PITPNC1: variants seen among roughly 807,000 people sequenced by gnomAD.
The protein encoded by PITPNC1 is cytoplasmic phosphatidylinositol transfer protein 1.
A neutral mutation model predicts 44.7 loss-of-function variants in PITPNC1; 18 were observed. The observed-to-expected ratio is 0.40, with a 90% CI of 0.28 to 0.60. The LOEUF (loss-of-function observed/expected upper bound fraction) is 0.60, where lower values mean the gene tolerates loss of function less well. Among genes scored for constraint, PITPNC1 ranks in the 20% least tolerant of loss-of-function variants. The pLI, the probability that PITPNC1 is intolerant of heterozygous loss-of-function variation, is 0.39. For missense variants in PITPNC1, 290 were observed against 418.4 expected, an observed-to-expected ratio of 0.69 and a Z score of 2.68; for synonymous variants, 141 against 149.6, an observed-to-expected ratio of 0.94 and a Z score of 0.42.
chr17:67,598,263 A>G (rs2041485810), intron 5 of PITPNC1, among the ~76,000 whole-genome samples: 1 of 152,114 alleles, frequency 6.6e-6, no homozygotes, highest in Admixed American at 6.5e-5. Flanking sequence ...GAAAAGAAAT[A>G]TAGAGGAGAG....
chr17:67,471,821 G>C (rs887703173), intron 1 of PITPNC1, among the ~76,000 whole-genome samples: 17 of 151,968 alleles, frequency 1.1e-4, no homozygotes, highest in Non-Finnish European at 1.5e-4. Context: ...ACTTTCTTCA[G>C]ATTTCACCAG....
intron 1 of PITPNC1, among the ~76,000 whole-genome samples, chr17:67,503,675 T>A (rs2040064989): frequency 6.6e-6 from 1 of 152,270 alleles, no homozygotes; most frequent in African/African-American, 2.4e-5. Flanking sequence ...TCTTATTTTT[T>A]AGAGGAAAGG....
chr17:67,416,800 TTC>T (rs929803534), intron 1 of PITPNC1, among the ~76,000 whole-genome samples: 3 of 152,174 alleles, frequency 2.0e-5, no homozygotes, highest in Non-Finnish European at 4.4e-5. Flanking sequence ...ACATTCAGCA[TTC>T]TCTCTGTCTC....
chr17:67,585,446 A>G (rs2041300972), intron 5 of PITPNC1, among the ~76,000 whole-genome samples: 1 of 152,180 alleles, frequency 6.6e-6, no homozygotes, highest in Non-Finnish European at 1.5e-5. Context: ...AAATGAGGCC[A>G]TTAGAGTGGG....
chr17:67,422,629 C>A (rs955133597), intron 1 of PITPNC1, among the ~76,000 whole-genome samples: 2 of 151,472 alleles, frequency 1.3e-5, no homozygotes, highest in Admixed American at 1.3e-4. Context: ...CTCACTGCAA[C>A]CTCTACCTCC....
intron 4 of PITPNC1, among the ~76,000 whole-genome samples, chr17:67,573,990 T>G (rs1168960439): frequency 6.6e-6 from 1 of 152,198 alleles, no homozygotes; most frequent in Non-Finnish European, 1.5e-5. Flanking sequence ...TCTCTTTTCA[T>G]TATATTTTTA....
At chr17:67,505,795 C>T (rs1242703060) in intron 1 of PITPNC1, among the ~76,000 whole-genome samples, 1 of 152,146 alleles carries the variant, frequency 6.6e-6, no homozygotes, top group Non-Finnish European at 1.5e-5. Context: ...TTGAGAACAC[C>T]TGTAGGGAGT....
At chr17:67,583,818 C>A (rs1475834076) in intron 5 of PITPNC1, among the ~76,000 whole-genome samples, 3 of 150,962 alleles carry the variant, frequency 2.0e-5, no homozygotes, top group Non-Finnish European at 4.4e-5. Context: ...GCCTCAGCCT[C>A]CAGAGTAGCT....
chr17:67,383,540 C>T (rs1254044464), intron 1 of PITPNC1, among the ~76,000 whole-genome samples: 1 of 152,096 alleles, frequency 6.6e-6, no homozygotes, highest in African/African-American at 2.4e-5. Context: ...AAGGGTGGCC[C>T]ACCTCCTCCC....
At chr17:67,477,472 T>C (rs2039646617) in intron 1 of PITPNC1, among the ~76,000 whole-genome samples, 1 of 152,152 alleles carries the variant, frequency 6.6e-6, no homozygotes, top group Non-Finnish European at 1.5e-5. Flanking sequence ...CTCGAACTCC[T>C]GACCTCAGCT....
chr17:67,438,728 A>G (rs2038971232), intron 1 of PITPNC1, among the ~76,000 whole-genome samples: 1 of 152,186 alleles, frequency 6.6e-6, no homozygotes, highest in South Asian at 2.1e-4. Flanking sequence ...TTAAATGTTC[A>G]TTAGGTCAAA....
Position 67,481,476 on chromosome 17 carries a change from C to T in PITPNC1, c.49-51326C>T, listed in dbSNP as rs375936471. Among the ~76,000 whole-genome samples the T allele has an allele frequency of 3.9e-5, 6 of 152,296 alleles. No homozygotes were observed. The East Asian group carries it at 5.8e-4, about 15-fold the overall frequency. On this transcript the variant is annotated intron_variant, in intron 1 of 8. Transcript: ENST00000581322. Reference sequence around the variant, plus strand: ...GAGAAAAGGAATTTTGCTGGGACAGCTTTCGGTCTCTGCTAAATTTATTGA... The same window carrying T: ...GAGAAAAGGAATTTTGCTGGGACAGTTTTCGGTCTCTGCTAAATTTATTGA...
intron 5 of PITPNC1, among the ~76,000 whole-genome samples, chr17:67,580,630 C>T (rs2041217260): frequency 6.6e-6 from 1 of 152,198 alleles, no homozygotes; most frequent in African/African-American, 2.4e-5. Context: ...CGTGAGCCAC[C>T]ATGCCTGGCT....
chr17:67,446,852 G>A (rs1201331135), intron 1 of PITPNC1, among the ~76,000 whole-genome samples: 2 of 151,882 alleles, frequency 1.3e-5, no homozygotes. Context: ...CACTTTGGGA[G>A]GCCGAGGTGG....
At position 67,694,616 on chromosome 17, in the gene PITPNC1, G is replaced by C. The variant is rs2042981286; in HGVS notation, c.*1728G>C. On this transcript the variant is annotated 3_prime_UTR_variant, in exon 9 of 9. Transcript: ENST00000581322. ...TTCTTTATCTATAGGTTGATATTTA[G>C]CTTAAAAAAAAAGAATAAACCTAGA... is the stretch of plus-strand genomic sequence containing the variant. The C allele has an allele frequency of 6.6e-6, 1 of 151,852 alleles. No individual in the cohort carries two copies. The highest frequency in any genetic ancestry group is 6.6e-5 in the Admixed American group (1 of 15,248). The allele number at this position is 151,852 out of a possible 1,614,324, so 9.4% of individuals were successfully genotyped here. A position where few individuals can be genotyped will look rare whatever the true frequency, so the allele number is the denominator to read the frequency against.
chr17:67,443,638 T>TTA (rs896811210), intron 1 of PITPNC1, among the ~76,000 whole-genome samples: 2 of 149,214 alleles, frequency 1.3e-5, no homozygotes, highest in African/African-American at 4.9e-5. Context: ...CTGGTCTTTT[T>TTA]TTTTTTTTTT....
intron 4 of PITPNC1, among the ~76,000 whole-genome samples, chr17:67,571,373 G>A (rs555726726): frequency 6.9e-4 from 105 of 152,268 alleles, no homozygotes; most frequent in Admixed American, 2.1e-3. Context: ...TCAAGGCTGC[G>A]GCGAGCTGAG....
chr17:67,598,284 A>G (rs2144267980), intron 5 of PITPNC1, among the ~76,000 whole-genome samples: 1 of 152,316 alleles, frequency 6.6e-6, no homozygotes, highest in African/African-American at 2.4e-5. Context: ...AATTAGGAAG[A>G]CAGAGAGAGA....
intron 4 of PITPNC1, among the ~76,000 whole-genome samples, chr17:67,558,763 A>G (rs539537811): frequency 6.6e-6 from 1 of 152,298 alleles, no homozygotes; most frequent in African/African-American, 2.4e-5. Context: ...TGTCAATGTT[A>G]CCCAACATTT....
Sources: allele counts gnomAD v4.1 joint callset (sites outside exome capture counted in the v4.1 genomes callset), GRCh38; gene constraint gnomAD v4.1.1; transcripts MANE v1.5; gene names NCBI Gene and HGNC (gene_info 2026-07-23, HGNC 2026-07-21).